TNS3: variants seen among roughly 807,000 people sequenced by gnomAD.
The protein encoded by TNS3 is tensin 3, also known as tensin-3.
TNS3 carries 45 observed loss-of-function variants against 140.9 expected under a neutral mutation model. That is an observed-to-expected ratio of 0.32 (90% CI 0.25 to 0.41). TNS3 has a LOEUF of 0.41. Among genes scored for constraint, TNS3 ranks in the 10% least tolerant of loss-of-function variants. The pLI, the probability that TNS3 is intolerant of heterozygous loss-of-function variation, is 1.00. For missense variants in TNS3, 1,716 were observed against 1,906.7 expected, an observed-to-expected ratio of 0.90 and a Z score of 1.86; for synonymous variants, 815 against 788.4, an observed-to-expected ratio of 1.03 and a Z score of -0.56.
In TNS3 at chr7:47,420,440, A is replaced by T. The variant is rs1409913160; in HGVS notation, c.473+3661T>A. 2.0e-5 allele frequency among the ~76,000 whole-genome samples: 3 copies of T among 152,188 alleles called. No individual in the cohort carries two copies. The East Asian group carries it at 5.8e-4, about 29-fold the overall frequency. On this transcript the variant is annotated intron_variant, in intron 10 of 30. Coordinates refer to ENST00000311160, the MANE Select transcript of TNS3 (RefSeq NM_022748.12). ...TCTTGGGCACGTGCATTAACAGAAA[A>T]AATGGCAGAGTATGACCTTCTCAGG... is the stretch of plus-strand genomic sequence containing the variant.
chr7:47,345,911 C>T (rs1471950523), intron 18 of TNS3, among the ~76,000 whole-genome samples: 2 of 152,206 alleles, frequency 1.3e-5, no homozygotes, highest in South Asian at 2.1e-4. Context: ...CATAGAGGCT[C>T]GAGTGCCCTG....
intron 4 of TNS3, among the ~76,000 whole-genome samples, chr7:47,450,344 C>T (rs1034015685): frequency 2.6e-5 from 4 of 152,214 alleles, no homozygotes; most frequent in African/African-American, 9.6e-5. Flanking sequence ...TTTAGGAAGA[C>T]AGTGCCCACA....
At chr7:47,559,410 G>A (rs188874545) in intron 1 of TNS3, among the ~76,000 whole-genome samples, 74 of 152,226 alleles carry the variant, frequency 4.9e-4, no homozygotes, top group Admixed American at 2.1e-3. Context: ...TTTAATAATG[G>A]GAGCGGGAGA....
At chr7:47,490,811 G>A (rs1303691911) in intron 3 of TNS3, among the ~76,000 whole-genome samples, 1 of 152,224 alleles carries the variant, frequency 6.6e-6, no homozygotes. Context: ...ACAGCTTGTT[G>A]GTTTCAGCCA....
intron 4 of TNS3, among the ~76,000 whole-genome samples, chr7:47,467,036 G>C (rs913148255): frequency 1.3e-5 from 2 of 152,200 alleles, no homozygotes; most frequent in Non-Finnish European, 2.9e-5. Flanking sequence ...GATGGTGTAA[G>C]TAGTACTTTT....
In TNS3 at chr7:47,396,855, T is replaced by G. The variant is rs1467605717; in HGVS notation, c.969A>C (p.Thr323=). ...NDHGVIVDYN[T]TDPLIRWDSY... ...AGTCCCAGCGTATCAGTGGGTCTGT[T>G]GTGTTGTAGTCCACAATCACACCGT... The change falls in exon 16 of 31, where the codon ACA becomes ACC. Residue 323 remains threonine (T), a synonymous_variant. Coordinates refer to ENST00000311160, the MANE Select transcript of TNS3 (RefSeq NM_022748.12). 1.9e-6 allele frequency: 3 copies of G among 1,614,246 alleles called. No homozygotes were observed. The highest frequency in any genetic ancestry group is 2.2e-5 in the South Asian group (2 of 91,088).
At chr7:47,299,032 G>A (rs1048558555) in intron 23 of TNS3, among the ~76,000 whole-genome samples, 12 of 152,258 alleles carry the variant, frequency 7.9e-5, no homozygotes, top group African/African-American at 2.7e-4. Context: ...GGCCTCCTGG[G>A]GCAGGGCACA....
chr7:47,295,766 A>G (rs1454936416), intron 24 of TNS3, among the ~76,000 whole-genome samples: 1 of 152,088 alleles, frequency 6.6e-6, no homozygotes, highest in Admixed American at 6.5e-5. Context: ...TTTCCCGGAA[A>G]CGCTACAGCC....
chr7:47,475,142 A>G (rs887741913), intron 4 of TNS3, among the ~76,000 whole-genome samples: 26 of 152,280 alleles, frequency 1.7e-4, no homozygotes, highest in African/African-American at 6.0e-4. Context: ...CCTCACACAC[A>G]CCACAGACCA....
intron 20 of TNS3, among the ~76,000 whole-genome samples, chr7:47,316,094 TTCTCTCTC>T (rs56939479): frequency 0.19 from 20,235 of 105,474 alleles, 1,456 homozygotes; most frequent in Middle Eastern, 0.25. Flanking sequence ...AACTAACTAT[TTCTCTCTC>T]TCTCTCTCTC....
At chr7:47,314,654 T>A (rs1037034204) in intron 20 of TNS3, among the ~76,000 whole-genome samples, 8 of 152,174 alleles carry the variant, frequency 5.3e-5, no homozygotes, top group African/African-American at 1.9e-4. Flanking sequence ...TTTTTAGCAA[T>A]GTTAAAAATG....
chr7:47,547,460 A>C (rs551302715), intron 1 of TNS3, among the ~76,000 whole-genome samples: 1 of 152,130 alleles, frequency 6.6e-6, no homozygotes, highest in Non-Finnish European at 1.5e-5. Context: ...AGCGGCACAC[A>C]CTGGACACGA....
intron 4 of TNS3, among the ~76,000 whole-genome samples, chr7:47,462,612 C>T (rs1584714008): frequency 6.6e-6 from 1 of 152,190 alleles, no homozygotes; most frequent in African/African-American, 2.4e-5. Flanking sequence ...CATAGTAAGA[C>T]AGCCCCATTG....
chr7:47,559,248 G>T (rs756541103), intron 1 of TNS3, among the ~76,000 whole-genome samples: 2 of 152,146 alleles, frequency 1.3e-5, no homozygotes, highest in African/African-American at 2.4e-5. Context: ...TACTTGGGAG[G>T]CTGAGGCAGA....
chr7:47,466,958 A>C (rs1009139985), intron 4 of TNS3, among the ~76,000 whole-genome samples: 4 of 152,140 alleles, frequency 2.6e-5, no homozygotes, highest in Admixed American at 2.6e-4. Flanking sequence ...GGTTCCCTAC[A>C]TCCCCCAAAG....
At chr7:47,360,682 G>T (rs780353499) in intron 17 of TNS3, among the ~76,000 whole-genome samples, 3 of 152,228 alleles carry the variant, frequency 2.0e-5, no homozygotes, top group Non-Finnish European at 4.4e-5. Context: ...GCTGCCATCA[G>T]CCCTGGTCTC....
intron 23 of TNS3, 22 bp downstream of exon 23, chr7:47,302,164 G>C (rs1786442650): frequency 6.2e-7 from 1 of 1,601,770 alleles, no homozygotes; most frequent in South Asian, 1.1e-5. Flanking sequence ...TGCCCAAGGA[G>C]GCCCTCATCC....
chr7:47,404,851 T>TGGGTGA (rs1793356045), intron 13 of TNS3, among the ~76,000 whole-genome samples: 30 of 151,872 alleles, frequency 2.0e-4, no homozygotes, highest in Admixed American at 2.0e-3. Context: ...ACCACTGTAC[T>TGGGTGA]CCAGCCTGGG....
chr7:47,422,627 G>T (rs148065171), intron 10 of TNS3, among the ~76,000 whole-genome samples: 19 of 122,592 alleles, frequency 1.5e-4, no homozygotes, highest in African/African-American at 5.4e-4. Flanking sequence ...AAAGAAAAAA[G>T]AAAAGAAAAA....
Sources: allele counts gnomAD v4.1 joint callset (sites outside exome capture counted in the v4.1 genomes callset), GRCh38; gene constraint gnomAD v4.1.1; transcripts MANE v1.5; gene names NCBI Gene and HGNC (gene_info 2026-07-23, HGNC 2026-07-21).